The following ZNF335 variants were observed in gnomAD, a reference collection of about 807,000 sequenced individuals.
The protein encoded by ZNF335 is NRC-interacting factor 1.
In ZNF335, 84 loss-of-function variants were observed where a neutral mutation model predicts 145.6. The observed-to-expected ratio is 0.58, with a 90% CI of 0.48 to 0.69. The LOEUF is 0.69. ZNF335 is among the 30% of genes least tolerant of loss of function. ZNF335 has a pLI of 0.00. For missense variants in ZNF335, 1,865 were observed against 1,809.7 expected (o/e 1.03, Z -0.55); for synonymous variants, 761 against 717.0 (o/e 1.06, Z -0.98).
chr20:45,949,722 TATC>T, intron 24 of ZNF335, 75 bp downstream of exon 24: 8 of 1,554,924 alleles, frequency 5.1e-6, no homozygotes, highest in Non-Finnish European at 6.2e-6. Flanking sequence ...GTTTGGAAAG[TATC>T]ATTCCTCCCC....
chr20:45,951,744 G>T (rs989990605), intron 20 of ZNF335, among the ~76,000 whole-genome samples: 1 of 152,176 alleles, frequency 6.6e-6, no homozygotes, highest in Non-Finnish European at 1.5e-5. Flanking sequence ...ATGACTACCA[G>T]TCTATGGCCC....
Position 45,952,527 on chromosome 20 carries a change from G to T in ZNF335, c.2815-6C>A. 1 of 1,596,520 alleles carries T rather than the reference G, an allele frequency of 6.3e-7. No individual in the cohort carries two copies. The highest frequency in any genetic ancestry group is 8.6e-7 in the Non-Finnish European group (1 of 1,169,234). On this transcript the variant is annotated splice_region_variant and splice_polypyrimidine_tract_variant and intron_variant, in intron 19 of 27. Transcript: ENST00000322927. ...ATGGAGCCATCTGCGGTGAGCTGTA[G>T]AGAGACAGGGAGCATGAGGTACTGA...
intron 14 of ZNF335, among the ~76,000 whole-genome samples, chr20:45,959,843 G>C (rs2083801231): frequency 6.6e-6 from 1 of 152,230 alleles, no homozygotes; most frequent in Non-Finnish European, 1.5e-5. Context: ...TGCCAAGGCA[G>C]GGTCTGGAAG....
At chr20:45,950,621 A>G in intron 20 of ZNF335, 26 bp from the exon 21 acceptor site, 3 of 1,613,146 alleles carry the variant, frequency 1.9e-6, no homozygotes, top group East Asian at 2.2e-5. Flanking sequence ...AGTTGGGGGC[A>G]TTGGCTGGGT....
At chr20:45,965,326 C>G (rs1057101331) in intron 7 of ZNF335, among the ~76,000 whole-genome samples, 5 of 152,222 alleles carry the variant, frequency 3.3e-5, no homozygotes, top group African/African-American at 1.2e-4. Flanking sequence ...TTCCTCTCTT[C>G]TCATTTCAGT....
intron 17 of ZNF335, 71 bp downstream of exon 17, chr20:45,957,515 G>T: frequency 1.4e-6 from 2 of 1,423,544 alleles, no homozygotes; most frequent in Non-Finnish European, 2.0e-6. Flanking sequence ...TTTTCCTCTA[G>T]TCCCAGTGTC....
At chr20:45,949,645 G>A (rs973746718) in intron 24 of ZNF335, 77 bp from the exon 25 acceptor site, 9 of 1,490,768 alleles carry the variant, frequency 6.0e-6, no homozygotes, top group Non-Finnish European at 2.7e-6. Flanking sequence ...AGAAGGCAGA[G>A]TGGAAGACTA....
At chr20:45,956,855 G>GGGGGA (rs58968332) in intron 17 of ZNF335, among the ~76,000 whole-genome samples, 1,940 of 152,238 alleles carry the variant, frequency 0.013, 35 homozygotes, top group African/African-American at 0.044. Context: ...GATACAAGTT[G>GGGGGA]GGGGAGTCTT....
At chr20:45,966,183 A>G (rs1003682324) in intron 6 of ZNF335, among the ~76,000 whole-genome samples, 1 of 152,162 alleles carries the variant, frequency 6.6e-6, no homozygotes, top group African/African-American at 2.4e-5. Flanking sequence ...CTGAGATATA[A>G]TTAAGTGTAA....
intron 17 of ZNF335, among the ~76,000 whole-genome samples, chr20:45,957,054 C>A (rs1334392675): frequency 6.6e-6 from 1 of 152,178 alleles, no homozygotes; most frequent in African/African-American, 2.4e-5. Flanking sequence ...AAACTTCCCT[C>A]TGCCTTGGAG....
chr20:45,952,291 T>C lies in ZNF335; in HGVS notation c.3045A>G (p.Ala1015=). ...PPSPPSAATA[A]SKKFSCKICA... The stretch of plus-strand genomic sequence containing the variant: ...AGATCTTGCAGGAAAACTTCTTTGA[T>C]GCAGCAGTGGCTGCAGATGGCGGTG... The change falls in exon 20 of 28, where the codon GCA becomes GCG. Residue 1015 remains alanine, a synonymous_variant. Coordinates refer to ENST00000322927, the MANE Select transcript of ZNF335 (RefSeq NM_022095.4). The C allele has an allele frequency of 6.2e-7, 1 of 1,613,652 alleles. No individual in the cohort carries two copies. The highest frequency in any genetic ancestry group is 8.5e-7 in the Non-Finnish European group (1 of 1,180,026).
At chr20:45,968,244 C>G in intron 4 of ZNF335, 41 bp downstream of exon 4, 1 of 1,596,744 alleles carries the variant, frequency 6.3e-7, no homozygotes, top group Non-Finnish European at 8.6e-7. Context: ...TATCCCCCTG[C>G]CCACTGCAGG....
chr20:45,957,688 G>C lies in ZNF335; in HGVS notation c.2348-8C>G, dbSNP rs1392230851. 1 of 1,613,990 alleles carries C rather than the reference G, an allele frequency of 6.2e-7. No individual in the cohort carries two copies. The highest frequency in any genetic ancestry group is 1.7e-5 in the Admixed American group (1 of 60,008). ...CTGTCGACTCCTCAGCTCCTGGGTG[G>C]GGTGGGACCTAAGCCTGACAAAGTG... On this transcript the variant is annotated splice_region_variant and splice_polypyrimidine_tract_variant and intron_variant, in intron 16 of 27. Coordinates refer to ENST00000322927, the MANE Select transcript of ZNF335 (RefSeq NM_022095.4).
In ZNF335 at chr20:45,960,720, T is replaced by A. The variant is rs1382822836; in HGVS notation, c.1678A>T (p.Ser560Cys). The part of the protein sequence containing the change: ...KKRPDPTPKL[S>C]SFPCPVCGRV... ...CCACACACAGGGCAGGGGAAAGAGCTCAGCTTTGGAGTCTAGGAAGGCATA... is the reference window on the plus strand; with the variant it reads ...CCACACACAGGGCAGGGGAAAGAGCACAGCTTTGGAGTCTAGGAAGGCATA... The change falls in exon 12 of 28, where the codon AGC (serine) becomes TGC (cysteine). Residue 560 changes from serine (S) to cysteine (C), a missense_variant. Transcript: ENST00000322927. The A allele has an allele frequency of 1.9e-6, 3 of 1,613,948 alleles. No individual in the cohort carries two copies. In the Admixed American group the frequency reaches 5.0e-5, roughly 27 times the overall value.
intron 17 of ZNF335, among the ~76,000 whole-genome samples, chr20:45,957,151 G>A (rs1162165937): frequency 1.3e-5 from 2 of 152,204 alleles, no homozygotes; most frequent in African/African-American, 2.4e-5. Flanking sequence ...CCTGGAACGC[G>A]AGAGAGTGGT....
rs1488723334 is a variant in ZNF335, at chr20:45,965,666, CG to C, written c.1063del (p.Arg355GlyfsTer20). On this transcript the variant is annotated frameshift_variant, in exon 7 of 28. Coordinates refer to ENST00000322927, the MANE Select transcript of ZNF335 (RefSeq NM_022095.4). LOFTEE classifies it high-confidence loss of function. ...PRPRRRPGRPRKLPRLEISDL... is the reference protein window; with the variant it reads ...PRPRRRPGRPXKLPRLEISDL... ...TGAGATCTCCAGGCGGGGCAGCTTC[CG>C]GGGCCGGCCAGGTCTCCTTCGGGGC... 19 of 1,598,406 alleles carry C rather than the reference CG, an allele frequency of 1.2e-5. No homozygotes were observed. Among genetic ancestry groups the C allele is most frequent in the Non-Finnish European group, 1.6e-5 (19 of 1,174,222 alleles).
chr20:45,948,865 C>T lies in ZNF335; in HGVS notation c.*88G>A. 6.3e-7 allele frequency: 1 copy of T among 1,593,088 alleles called. No homozygotes were observed. Among genetic ancestry groups the T allele is most frequent in the Non-Finnish European group, 8.6e-7 (1 of 1,167,344 alleles). On this transcript the variant is annotated 3_prime_UTR_variant, in exon 28 of 28. Coordinates refer to ENST00000322927, the MANE Select transcript of ZNF335 (RefSeq NM_022095.4). ...GCTGGCTATCCAGTATCTGGAGATC[C>T]TAAATGAAGAGGGAGGTGAGTCCTG... is the stretch of plus-strand genomic sequence containing the variant.
At chr20:45,959,481 A>T in intron 14 of ZNF335, 48 bp from the exon 15 acceptor site, 3 of 1,323,942 alleles carry the variant, frequency 2.3e-6, no homozygotes, top group Non-Finnish European at 3.0e-6. Context: ...TCCCTAGCCT[A>T]CCCCCTCCAG....
At chr20:45,971,007 G>A (rs2084052878) in intron 2 of ZNF335, among the ~76,000 whole-genome samples, 1 of 152,110 alleles carries the variant, frequency 6.6e-6, no homozygotes, top group South Asian at 2.1e-4. Flanking sequence ...TTTTCTATAA[G>A]ATGTGGGAAA....
Sources: allele counts gnomAD v4.1 joint callset (sites outside exome capture counted in the v4.1 genomes callset), GRCh38; gene constraint gnomAD v4.1.1; transcripts MANE v1.5; gene names NCBI Gene and HGNC (gene_info 2026-07-23, HGNC 2026-07-21).